GABRG3: variants seen among roughly 807,000 people sequenced by gnomAD.
The protein encoded by GABRG3 is gamma-aminobutyric acid receptor subunit gamma-3.
A neutral mutation model predicts 48.8 loss-of-function variants in GABRG3; 25 were observed. That is an observed-to-expected ratio of 0.51 (90% confidence interval 0.37 to 0.72). GABRG3 has a LOEUF of 0.72. Ranked by LOEUF, GABRG3 falls within the 30% of genes least tolerant of loss-of-function variation. The pLI, the probability that GABRG3 is intolerant of heterozygous loss-of-function variation, is 0.00. For missense variants in GABRG3, 394 were observed against 577.9 expected, an observed-to-expected ratio of 0.68 and a Z score of 3.26; for synonymous variants, 227 against 217.6, an observed-to-expected ratio of 1.04 and a Z score of -0.38.
Position 27,180,013 on chromosome 15 carries a change from A to G in GABRG3, c.271-146796A>G, listed in dbSNP as rs980435568. ...GTACATTTTGCACACTCATGGTTAC[A>G]TGGAAGTGGCTAAATGGCCTTCTGC... On this transcript the variant is annotated intron_variant, in intron 3 of 9. Coordinates refer to ENST00000615808, the MANE Select transcript of GABRG3 (RefSeq NM_033223.5). This position sits in a 1 kb window ranked among gnomAD's most constrained non-coding sequence, Gnocchi z 4.2. 2.0e-5 allele frequency among the ~76,000 whole-genome samples: 3 copies of G among 152,186 alleles called. No homozygotes were observed. The highest frequency in any genetic ancestry group is 4.8e-5 in the African/African-American group (2 of 41,450).
intron 2 of GABRG3, among the ~76,000 whole-genome samples, chr15:27,017,276 C>G (rs1172142649): frequency 6.6e-6 from 1 of 152,112 alleles, no homozygotes; most frequent in Non-Finnish European, 1.5e-5. Context: ...TAGGTTGGTA[C>G]AAAAGTAATT....
At chr15:27,250,968 C>T (rs1381669503) in intron 3 of GABRG3, among the ~76,000 whole-genome samples, 1 of 152,176 alleles carries the variant, frequency 6.6e-6, no homozygotes, top group Admixed American at 6.5e-5. Context: ...TCTTCAGCCA[C>T]ACTTTACAAA....
intron 3 of GABRG3, among the ~76,000 whole-genome samples, chr15:27,115,797 T>G (rs1311794703): frequency 6.6e-6 from 1 of 152,198 alleles, no homozygotes; most frequent in Non-Finnish European, 1.5e-5. Context: ...CTTTCAAAAT[T>G]TTCAATTTTC....
chr15:26,977,201 G>T (rs1894968132), intron 2 of GABRG3, 51 bp downstream of exon 2: 1 of 1,560,820 alleles, frequency 6.4e-7, no homozygotes, highest in Non-Finnish European at 8.7e-7. Context: ...GTAGTGATAT[G>T]AAGTTTTTAC....
chr15:27,347,667 T>C (rs1038277480), intron 5 of GABRG3, among the ~76,000 whole-genome samples: 16 of 152,278 alleles, frequency 1.1e-4, no homozygotes, highest in African/African-American at 3.4e-4. Flanking sequence ...TTTGAGAACC[T>C]TATAGGATTC....
At chr15:27,000,369 C>G (rs1230704001) in intron 2 of GABRG3, among the ~76,000 whole-genome samples, 3 of 152,148 alleles carry the variant, frequency 2.0e-5, no homozygotes, top group African/African-American at 7.2e-5. Context: ...AGTGTTCTGG[C>G]AGACTCTAGG....
At chr15:27,169,475 G>C (rs1479855730) in intron 3 of GABRG3, among the ~76,000 whole-genome samples, 2 of 152,138 alleles carry the variant, frequency 1.3e-5, no homozygotes, top group Admixed American at 6.5e-5. Flanking sequence ...GGTAGGTTAG[G>C]GATAGATCAT....
intron 5 of GABRG3, among the ~76,000 whole-genome samples, chr15:27,360,245 G>T (rs1894976771): frequency 6.6e-6 from 1 of 152,152 alleles, no homozygotes; most frequent in Non-Finnish European, 1.5e-5. Context: ...CATCCAGCAC[G>T]AGTAGCCCTC....
At chr15:27,246,268 A>G (rs1890268516) in intron 3 of GABRG3, among the ~76,000 whole-genome samples, 1 of 152,120 alleles carries the variant, frequency 6.6e-6, no homozygotes, top group Admixed American at 6.5e-5. Context: ...AAATATATAA[A>G]TGTAAATATA....
intron 3 of GABRG3, among the ~76,000 whole-genome samples, chr15:27,320,343 G>A (rs535376236): frequency 1.3e-5 from 2 of 152,082 alleles, no homozygotes; most frequent in East Asian, 3.9e-4. Context: ...GGGGCATGGC[G>A]ACTTCTGTCT....
chr15:27,466,925 T>C (rs964012789), intron 5 of GABRG3, among the ~76,000 whole-genome samples: 1 of 152,188 alleles, frequency 6.6e-6, no homozygotes, highest in African/African-American at 2.4e-5. Context: ...AGGGATGTAG[T>C]TTTTATGTTT....
At chr15:27,302,726 G>A (rs1250465371) in intron 3 of GABRG3, among the ~76,000 whole-genome samples, 1 of 151,882 alleles carries the variant, frequency 6.6e-6, no homozygotes, top group Non-Finnish European at 1.5e-5. Context: ...TATATTCTGG[G>A]TCATAAAACA....
At position 27,520,090 on chromosome 15, in the gene GABRG3, C is replaced by T; in HGVS notation, c.831C>T (p.Ile277=). Residue 277 remains isoleucine, a synonymous_variant, in exon 7 of 10, where the codon ATC becomes ATT. Transcript: ENST00000615808. ...TVVLSWVSFW[I]KKDATPARTA... ...TTTTATCCTGGGTGTCATTTTGGAT[C>T]AAAAAAGATGCTACGCCAGCAAGAA... 6.2e-7 allele frequency: 1 copy of T among 1,604,558 alleles called. No individual in the cohort carries two copies. The highest frequency in any genetic ancestry group is 8.5e-7 in the Non-Finnish European group (1 of 1,175,222).
chr15:27,243,339 A>G (rs1890184437), intron 3 of GABRG3, among the ~76,000 whole-genome samples: 1 of 152,178 alleles, frequency 6.6e-6, no homozygotes, highest in South Asian at 2.1e-4. Context: ...TTGCTGTATC[A>G]AGGGGTCAGC....
rs28399524 is a variant in GABRG3, at chr15:26,971,417, C to A, written c.-119C>A. 3,744 of 788,876 alleles carry A rather than the reference C, an allele frequency of 4.7e-3. 111 individuals are homozygous for A. The African/African-American group carries it at 0.062, about 13-fold the overall frequency. The allele number at this position is 788,876 out of a possible 1,614,324, so 48.9% of individuals were successfully genotyped here. On this transcript the variant is annotated 5_prime_UTR_variant, in exon 1 of 10. Transcript: ENST00000615808. ...CAGAGTAGATACCTGTCCCGCCCGCCGCGGCCAGCAGCCTCGGAGGAAGCC... is the reference window on the plus strand; with the variant it reads ...CAGAGTAGATACCTGTCCCGCCCGCAGCGGCCAGCAGCCTCGGAGGAAGCC...
chr15:27,456,701 G>A (rs1889292161), intron 5 of GABRG3, among the ~76,000 whole-genome samples: 1 of 152,162 alleles, frequency 6.6e-6, no homozygotes, highest in Admixed American at 6.5e-5. Flanking sequence ...TCATAGCGGA[G>A]GAAATAGGCA....
At chr15:27,413,125 G>A (rs940711413) in intron 5 of GABRG3, among the ~76,000 whole-genome samples, 2 of 152,042 alleles carry the variant, frequency 1.3e-5, no homozygotes, top group South Asian at 4.1e-4. Flanking sequence ...CAGCAAGTAA[G>A]CCAATAGATT....
At chr15:27,077,224 G>A (rs1896924885) in intron 3 of GABRG3, among the ~76,000 whole-genome samples, 3 of 152,100 alleles carry the variant, frequency 2.0e-5, no homozygotes, top group Admixed American at 2.0e-4. Context: ...AGCCTCTCTG[G>A]GTATCACTGT....
intron 5 of GABRG3, among the ~76,000 whole-genome samples, chr15:27,474,669 A>G (rs1457082563): frequency 6.6e-6 from 1 of 152,188 alleles, no homozygotes; most frequent in Non-Finnish European, 1.5e-5. Context: ...TGCAAAGAAC[A>G]AAAGTGTTTC....
Sources: gnomAD v4.1 joint callset for allele counts (sites outside exome capture counted in the v4.1 genomes callset) on GRCh38, gnomAD v4.1.1 for gene constraint, Gnocchi (gnomAD v3.1) non-coding constraint, MANE v1.5 for transcripts, NCBI Gene and HGNC (gene_info 2026-07-23, HGNC 2026-07-21) for gene names.